Variants in SUGCT observed in about 807,000 individuals in gnomAD.
The protein encoded by SUGCT is succinyl-CoA:glutarate CoA-transferase.
Under a neutral mutation model 55.0 loss-of-function variants are expected in SUGCT, and 41 were observed. The observed-to-expected ratio is 0.74, with a 90% confidence interval of 0.58 to 0.97. The LOEUF is 0.97. SUGCT is among the 50% of genes least tolerant of loss of function. SUGCT has a pLI of 0.00. For synonymous variants in SUGCT, 187 were observed against 200.4 expected, an observed-to-expected ratio of 0.93 and a Z score of 0.56; for missense variants, 568 against 547.8, an observed-to-expected ratio of 1.04 and a Z score of -0.37.
In SUGCT at chr7:40,681,251, G is replaced by T. The variant is rs192506465; in HGVS notation, c.1090-68183G>T. Among the ~76,000 whole-genome samples the T allele has an allele frequency of 7.2e-5, 11 of 152,204 alleles. No individual in the cohort carries two copies. In the East Asian group the frequency reaches 2.1e-3, roughly 29 times the overall value. ...CAGAAAAACCAAAGCCTAATTAGAG[G>T]GTTGGAACTTTCAGCCCCACTTCCC... On this transcript the variant is annotated intron_variant, in intron 12 of 13. Coordinates refer to ENST00000335693, the MANE Select transcript of SUGCT (RefSeq NM_001193313.2).
intron 12 of SUGCT, among the ~76,000 whole-genome samples, chr7:40,565,690 C>T (rs1796093271): frequency 6.6e-6 from 1 of 152,028 alleles, no homozygotes. Flanking sequence ...TCCCATTTAC[C>T]TCTATTATCT....
chr7:40,720,037 C>T (rs528250783), intron 12 of SUGCT, among the ~76,000 whole-genome samples: 9 of 152,174 alleles, frequency 5.9e-5, no homozygotes, highest in East Asian at 1.9e-4. Context: ...CCACCTGCCT[C>T]GGCCTCCCAA....
intron 7 of SUGCT, among the ~76,000 whole-genome samples, chr7:40,261,711 A>G (rs149594649): frequency 1.6e-4 from 24 of 152,342 alleles, no homozygotes; most frequent in African/African-American, 5.5e-4. Context: ...AAAGTTTTTT[A>G]CAGAATGAGT....
intron 13 of SUGCT, chr7:40,793,132 T>G (rs1454922294): frequency 6.6e-6 from 1 of 152,154 alleles, no homozygotes; most frequent in African/African-American, 2.4e-5. Flanking sequence ...ATTATACTTA[T>G]AAATTTGATT....
At chr7:40,353,372 A>C (rs1797736016) in intron 9 of SUGCT, among the ~76,000 whole-genome samples, 1 of 152,202 alleles carries the variant, frequency 6.6e-6, no homozygotes, top group African/African-American at 2.4e-5. Context: ...CTTGGACCTA[A>C]TGAATCAGAG....
chr7:40,514,347 CA>C (rs1161136296), intron 12 of SUGCT, among the ~76,000 whole-genome samples: 1 of 151,758 alleles, frequency 6.6e-6, no homozygotes, highest in East Asian at 1.9e-4. Flanking sequence ...TGCTAAGCAC[CA>C]GGGGAAAAGA....
At chr7:40,412,591 T>C (rs1051399704) in intron 9 of SUGCT, among the ~76,000 whole-genome samples, 1 of 152,218 alleles carries the variant, frequency 6.6e-6, no homozygotes, top group African/African-American at 2.4e-5. Context: ...TATTTATATA[T>C]TGAATCTCCA....
At chr7:40,160,883 G>T (rs1471487269) in intron 1 of SUGCT, among the ~76,000 whole-genome samples, 1 of 152,048 alleles carries the variant, frequency 6.6e-6, no homozygotes, top group Non-Finnish European at 1.5e-5. Context: ...GGTTATGGAA[G>T]ATGATAGAGA....
intron 13 of SUGCT, among the ~76,000 whole-genome samples, chr7:40,767,283 C>G (rs752011865): frequency 6.6e-6 from 1 of 152,130 alleles, no homozygotes; most frequent in Non-Finnish European, 1.5e-5. Context: ...CTTAAAAAAG[C>G]CATCTGTATA....
intron 12 of SUGCT, among the ~76,000 whole-genome samples, chr7:40,715,869 C>T (rs1251331119): frequency 6.6e-6 from 1 of 152,190 alleles, no homozygotes; most frequent in Non-Finnish European, 1.5e-5. Context: ...TCCTCTTGGA[C>T]CATAGTTTTC....
the SUGCT span, among the ~76,000 whole-genome samples, chr7:40,915,852 T>C: frequency 6.6e-6 from 1 of 152,240 alleles, no homozygotes; most frequent in Non-Finnish European, 1.5e-5. Context: ...TGATTACTAA[T>C]GTTTCCCATC....
At chr7:40,669,495 A>G (rs1376232874) in intron 12 of SUGCT, among the ~76,000 whole-genome samples, 1 of 152,074 alleles carries the variant, frequency 6.6e-6, no homozygotes, top group Admixed American at 6.6e-5. Context: ...AAATACTTCA[A>G]GCAATTATAA....
chr7:40,935,304 AGT>A, the SUGCT span, among the ~76,000 whole-genome samples: 863 of 152,260 alleles, frequency 5.7e-3, 7 homozygotes, highest in African/African-American at 0.02. Context: ...CATGGTTTTT[AGT>A]GTGTTTACAA....
At chr7:40,612,960 C>A (rs1798832299) in intron 12 of SUGCT, among the ~76,000 whole-genome samples, 1 of 152,048 alleles carries the variant, frequency 6.6e-6, no homozygotes, top group Admixed American at 6.6e-5. Flanking sequence ...TGGTGAAACC[C>A]CGTCTCTACT....
At chr7:40,696,549 G>T (rs1784942034) in intron 12 of SUGCT, among the ~76,000 whole-genome samples, 1 of 152,126 alleles carries the variant, frequency 6.6e-6, no homozygotes, top group Non-Finnish European at 1.5e-5. Context: ...TTATATCTTT[G>T]TTTTCCTGCC....
chr7:40,647,731 A>G (rs889215145), intron 12 of SUGCT, among the ~76,000 whole-genome samples: 1 of 151,948 alleles, frequency 6.6e-6, no homozygotes, highest in African/African-American at 2.4e-5. Context: ...GGCACCTGTA[A>G]TCCCAGCTAC....
chr7:40,977,163 G>A, the SUGCT span, among the ~76,000 whole-genome samples: 6 of 152,210 alleles, frequency 3.9e-5, no homozygotes, highest in South Asian at 2.1e-4. Flanking sequence ...ACAAATGGCC[G>A]TGAATGGGTT....
At chr7:40,624,772 AACACACACAC>A (rs71791486) in intron 12 of SUGCT, among the ~76,000 whole-genome samples, 1,837 of 137,364 alleles carry the variant, frequency 0.013, 18 homozygotes, top group South Asian at 0.036. Context: ...TTTCTGTGCA[AACACACACAC>A]ACACACACAC....
the SUGCT span, among the ~76,000 whole-genome samples, chr7:40,926,084 G>T: frequency 6.6e-6 from 1 of 151,738 alleles, no homozygotes; most frequent in African/African-American, 2.4e-5. Context: ...CTGGGTGACA[G>T]AGCAAGTTCC....
Sources: gnomAD v4.1 joint callset for allele counts (sites outside exome capture counted in the v4.1 genomes callset) on GRCh38, gnomAD v4.1.1 for gene constraint, MANE v1.5 for transcripts, NCBI Gene and HGNC (gene_info 2026-07-23, HGNC 2026-07-21) for gene names.